Variants in PDE1C observed in about 807,000 individuals in gnomAD.
The protein encoded by PDE1C is phosphodiesterase 1C.
Under a neutral mutation model 93.1 loss-of-function variants are expected in PDE1C, and 62 were observed. The observed-to-expected ratio is 0.67, with a 90% CI of 0.54 to 0.82. PDE1C has a LOEUF of 0.82. PDE1C is among the 40% of genes least tolerant of loss of function. PDE1C has a pLI of 0.00. For synonymous variants in PDE1C, 325 were observed against 310.1 expected (o/e 1.05, Z -0.50); for missense variants, 742 against 884.6 (o/e 0.84, Z 2.04).
At chr7:32,164,986 G>C (rs1802143246) in intron 3 of PDE1C, among the ~76,000 whole-genome samples, 1 of 152,222 alleles carries the variant, frequency 6.6e-6, no homozygotes, top group South Asian at 2.1e-4. Flanking sequence ...AAGGAAAGAG[G>C]CACCCAAGGT....
chr7:31,734,674 G>C, the PDE1C span, among the ~76,000 whole-genome samples: 1 of 152,058 alleles, frequency 6.6e-6, no homozygotes, highest in Non-Finnish European at 1.5e-5. Context: ...AATCAAGATG[G>C]AACAGGAAAT....
intron 1 of PDE1C, among the ~76,000 whole-genome samples, chr7:32,417,985 TTTG>T (rs1358049838): frequency 6.6e-6 from 1 of 152,160 alleles, no homozygotes; most frequent in Admixed American, 6.5e-5. Flanking sequence ...TTTGTTTGTT[TTTG>T]TTTTGTTTTG....
the PDE1C span, chr7:31,642,993 G>T: frequency 1.2e-6 from 2 of 1,613,870 alleles, no homozygotes; most frequent in Non-Finnish European, 1.7e-6. Flanking sequence ...GCCATCTGTG[G>T]CAGCTTCTGC....
chr7:32,140,027 C>A (rs1436433580), intron 3 of PDE1C, among the ~76,000 whole-genome samples: 1 of 152,166 alleles, frequency 6.6e-6, no homozygotes, highest in Non-Finnish European at 1.5e-5. Context: ...TACTACTATT[C>A]TTCTACATAT....
At chr7:32,166,431 A>G (rs908698141) in intron 3 of PDE1C, among the ~76,000 whole-genome samples, 1 of 152,158 alleles carries the variant, frequency 6.6e-6, no homozygotes, top group African/African-American at 2.4e-5. Flanking sequence ...CTGGGCAGCC[A>G]TGAGGAGACC....
intron 1 of PDE1C, among the ~76,000 whole-genome samples, chr7:32,357,104 G>A (rs762593071): frequency 1.6e-4 from 25 of 152,120 alleles, no homozygotes; most frequent in African/African-American, 2.2e-4. Context: ...GAGGCCAGGC[G>A]GGTGGATCAC....
At chr7:32,194,716 CCACT>C (rs1203295104) in intron 2 of PDE1C, among the ~76,000 whole-genome samples, 1 of 152,114 alleles carries the variant, frequency 6.6e-6, no homozygotes, top group Non-Finnish European at 1.5e-5. Context: ...GTTTTTTAAC[CCACT>C]CTGCCAATCT....
intron 15 of PDE1C, among the ~76,000 whole-genome samples, chr7:31,813,373 G>A (rs192161931): frequency 1.1e-3 from 167 of 152,242 alleles, no homozygotes; most frequent in Admixed American, 1.7e-3. Context: ...TGGGGGAAAA[G>A]TCCTGTGCCT....
chr7:32,106,217 C>T (rs1285092261), intron 3 of PDE1C, among the ~76,000 whole-genome samples: 1 of 151,994 alleles, frequency 6.6e-6, no homozygotes, highest in African/African-American at 2.4e-5. Context: ...TTGGGCCTTG[C>T]TACATTGCCC....
chr7:31,936,439 A>G (rs1188292113), intron 2 of PDE1C, among the ~76,000 whole-genome samples: 2 of 152,096 alleles, frequency 1.3e-5, no homozygotes, highest in African/African-American at 4.8e-5. Flanking sequence ...AGAAGAAAAA[A>G]AAAAAAAACT....
intron 1 of PDE1C, among the ~76,000 whole-genome samples, chr7:32,255,367 T>C (rs1809716619): frequency 6.6e-6 from 1 of 152,098 alleles, no homozygotes; most frequent in African/African-American, 2.4e-5. Flanking sequence ...AGACCTCAGT[T>C]TGCATGTGGC....
rs1787253669 is a variant in PDE1C at position 31,809,224 on chromosome 7, T to A, written c.1814-116A>T. ...CAGCATAATTTTATAGTCATAAGAGTGTATGTGTCTGAGTGTAAATATCTT... is the reference window on the plus strand; with the variant it reads ...CAGCATAATTTTATAGTCATAAGAGAGTATGTGTCTGAGTGTAAATATCTT... On this transcript the variant is annotated intron_variant, in intron 15 of 17. Transcript: ENST00000396191. 9.9e-6 allele frequency: 6 copies of A among 604,840 alleles called. No individual in the cohort carries two copies. The South Asian group carries it at 1.2e-4, about 12-fold the overall frequency. The allele number at this position is 604,840 out of a possible 1,614,324, so 37.5% of individuals were successfully genotyped here.
intron 2 of PDE1C, among the ~76,000 whole-genome samples, chr7:31,993,380 G>A (rs556266502): frequency 2.6e-5 from 4 of 152,318 alleles, no homozygotes; most frequent in African/African-American, 9.6e-5. Flanking sequence ...ACTGGAATAA[G>A]GAGGGCAGAC....
intron 2 of PDE1C, among the ~76,000 whole-genome samples, chr7:31,928,204 A>C (rs1803658902): frequency 6.6e-6 from 1 of 152,056 alleles, no homozygotes; most frequent in Non-Finnish European, 1.5e-5. Flanking sequence ...TTGAATATCA[A>C]CTTAATGAAA....
intron 2 of PDE1C, among the ~76,000 whole-genome samples, chr7:31,925,304 A>C (rs1009401498): frequency 6.6e-6 from 1 of 152,058 alleles, no homozygotes; most frequent in African/African-American, 2.4e-5. Context: ...AGATGCCCCT[A>C]CCCATCAGTG....
chr7:31,988,511 C>T (rs927137232), intron 2 of PDE1C, among the ~76,000 whole-genome samples: 2 of 152,196 alleles, frequency 1.3e-5, no homozygotes, highest in Non-Finnish European at 2.9e-5. Flanking sequence ...TTTTTAACTG[C>T]ATATAGTTTC....
chr7:31,946,157 A>C (rs73310504), intron 2 of PDE1C, among the ~76,000 whole-genome samples: 10,257 of 152,140 alleles, frequency 0.067, 600 homozygotes, highest in African/African-American at 0.16. Flanking sequence ...ACATCTGTGT[A>C]ATATTTGAGT....
chr7:31,639,538 G>GTT, the PDE1C span, among the ~76,000 whole-genome samples: 3 of 142,516 alleles, frequency 2.1e-5, no homozygotes, highest in African/African-American at 7.7e-5. Context: ...GTTTGTTTTT[G>GTT]TTTTTTTTTT....
At chr7:32,018,792 A>G (rs189179542) in intron 2 of PDE1C, among the ~76,000 whole-genome samples, 1 of 152,292 alleles carries the variant, frequency 6.6e-6, no homozygotes, top group East Asian at 1.9e-4. Flanking sequence ...ACTGAACTGT[A>G]TGCTTTAAAT....
Sources: gnomAD v4.1 joint callset for allele counts (sites outside exome capture counted in the v4.1 genomes callset) on GRCh38, gnomAD v4.1.1 for gene constraint, MANE v1.5 for transcripts, NCBI Gene and HGNC (gene_info 2026-07-23, HGNC 2026-07-21) for gene names.